KDM6A: variants seen among roughly 807,000 people sequenced by gnomAD.
The protein encoded by KDM6A is lysine demethylase 6A.
Under a neutral mutation model 117.6 loss-of-function variants are expected in KDM6A, and 11 were observed. The ratio of observed to expected loss-of-function variants is 0.09; its 90% CI spans 0.06 to 0.15. KDM6A has a LOEUF of 0.15. KDM6A is among the 10% of genes least tolerant of loss of function. The pLI, the probability that KDM6A is intolerant of heterozygous loss-of-function variation, is 1.00. For synonymous variants in KDM6A, 384 were observed against 396.1 expected (o/e 0.97, Z 0.36); for missense variants, 799 against 1,077.3 (o/e 0.74, Z 3.62).
intron 2 of KDM6A, among the ~76,000 whole-genome samples, chrX:44,929,777 A>G (rs1004309650): frequency 9.9e-5 from 11 of 111,502 alleles, no homozygotes; most frequent in Non-Finnish European, 1.7e-4. Context: ...GAGAGTTCCA[A>G]TTCTTCTACA....
intron 28 of KDM6A, 41 bp from the exon 29 acceptor site, chrX:45,110,038 C>T (rs2148303916): frequency 8.9e-7 from 1 of 1,124,578 alleles, no homozygotes; most frequent in Non-Finnish European, 1.2e-6. Flanking sequence ...CAGTAAATAC[C>T]ACTATCTCTA....
chrX:44,978,093 C>T (rs1266499326), intron 4 of KDM6A, among the ~76,000 whole-genome samples: 2 of 111,867 alleles, frequency 1.8e-5, no homozygotes, highest in East Asian at 5.6e-4. Flanking sequence ...TCTACATTGC[C>T]CTTGTATTTT....
intron 2 of KDM6A, among the ~76,000 whole-genome samples, chrX:44,881,276 C>CA (rs1273471428): frequency 8.9e-6 from 1 of 111,865 alleles, no homozygotes; most frequent in Non-Finnish European, 1.9e-5. Flanking sequence ...ACTAAAAATA[C>CA]AAAAATTATC....
At chrX:44,887,618 C>G (rs1414082182) in intron 2 of KDM6A, among the ~76,000 whole-genome samples, 1 of 111,196 alleles carries the variant, frequency 9.0e-6, no homozygotes, top group Non-Finnish European at 1.9e-5. Flanking sequence ...TGGATTGATC[C>G]TGGAGAACCT....
At chrX:44,972,586 A>G (rs146342817) in intron 3 of KDM6A, among the ~76,000 whole-genome samples, 1,130 of 111,484 alleles carry the variant, frequency 0.01, 14 homozygotes, top group African/African-American at 0.035. Flanking sequence ...TGGTTCCTCA[A>G]TAGTTTACAA....
intron 10 of KDM6A, among the ~76,000 whole-genome samples, 166 bp from the exon 11 acceptor site, chrX:45,058,837 ATAT>A (rs1263302367): frequency 5.4e-5 from 6 of 111,492 alleles, no homozygotes; most frequent in African/African-American, 2.0e-4. Context: ...GCAAATTATA[ATAT>A]TCATTATAGT....
chrX:45,008,879 TC>T (rs2147569458), intron 4 of KDM6A, among the ~76,000 whole-genome samples: 1 of 112,171 alleles, frequency 8.9e-6, no homozygotes, highest in Non-Finnish European at 1.9e-5. Context: ...TAATATAATT[TC>T]CTCATTCGGA....
rs539573033 is a variant in KDM6A at position 45,048,340 on chromosome X, A to T, written c.655-3369A>T. Among the ~76,000 whole-genome samples the T allele has an allele frequency of 2.3e-4, 26 of 110,760 alleles. No homozygotes were observed. In the South Asian group the frequency reaches 4.2e-3, roughly 18 times the overall value. On this transcript the variant is annotated intron_variant, in intron 8 of 29. Transcript: ENST00000611820. ...GGAGATTGACTATATTTTTCTGAAG[A>T]TTGATATATTTTTGCTTTATTAGCC...
intron 4 of KDM6A, among the ~76,000 whole-genome samples, chrX:44,978,631 AT>A (rs1460740654): frequency 8.9e-6 from 1 of 111,998 alleles, no homozygotes; most frequent in African/African-American, 3.2e-5. Flanking sequence ...TATTTTAAGC[AT>A]TTTTTGAGAT....
At chrX:45,031,561 C>T (rs1272255436) in intron 6 of KDM6A, among the ~76,000 whole-genome samples, 1 of 111,637 alleles carries the variant, frequency 9.0e-6, no homozygotes, top group East Asian at 2.8e-4. Context: ...AGGTTGTTGC[C>T]TACAACCCAC....
intron 2 of KDM6A, among the ~76,000 whole-genome samples, chrX:44,912,327 G>C (rs2035257720): frequency 1.8e-5 from 2 of 110,859 alleles, no homozygotes; most frequent in South Asian, 7.6e-4. Flanking sequence ...GACCTCAGGT[G>C]ATCTGCCCAC....
At chrX:44,998,419 T>G (rs149664391) in intron 4 of KDM6A, among the ~76,000 whole-genome samples, 5,436 of 111,727 alleles carry the variant, frequency 0.049, 335 homozygotes, top group African/African-American at 0.17. Flanking sequence ...CATTAGACTT[T>G]CTTGTTCAGT....
At chrX:44,945,203 C>T (rs2037561787) in intron 2 of KDM6A, among the ~76,000 whole-genome samples, 1 of 111,360 alleles carries the variant, frequency 9.0e-6, no homozygotes, top group African/African-American at 3.3e-5. Flanking sequence ...CATTGTATTT[C>T]AGCTTGTATT....
At chrX:44,934,214 T>C (rs934353282) in intron 2 of KDM6A, among the ~76,000 whole-genome samples, 1 of 112,021 alleles carries the variant, frequency 8.9e-6, no homozygotes, top group South Asian at 3.7e-4. Flanking sequence ...GTTCCCTCTT[T>C]GCTTTATATT....
intron 6 of KDM6A, among the ~76,000 whole-genome samples, chrX:45,023,024 C>T (rs1205643461): frequency 8.9e-6 from 1 of 112,199 alleles, no homozygotes; most frequent in Non-Finnish European, 1.9e-5. Context: ...CTGTTGATCT[C>T]TTCAAAAATA....
At chrX:44,916,198 A>G (rs923287102) in intron 2 of KDM6A, among the ~76,000 whole-genome samples, 4 of 110,999 alleles carry the variant, frequency 3.6e-5, no homozygotes, top group Middle Eastern at 4.2e-3. Flanking sequence ...TCCTCTGTGA[A>G]TAAGGGGGAC....
At chrX:44,986,887 G>A (rs1010232386) in intron 4 of KDM6A, among the ~76,000 whole-genome samples, 1 of 111,883 alleles carries the variant, frequency 8.9e-6, no homozygotes, top group African/African-American at 3.3e-5. Context: ...TGTATATTCT[G>A]TTGATTTGGG....
intron 4 of KDM6A, among the ~76,000 whole-genome samples, chrX:44,983,137 G>A (rs1219899320): frequency 9.0e-6 from 1 of 111,565 alleles, no homozygotes; most frequent in Non-Finnish European, 1.9e-5. Flanking sequence ...TAGATTCTTT[G>A]GAAATTTTAC....
At chrX:45,069,254 AATG>A (rs762927387) in intron 17 of KDM6A, among the ~76,000 whole-genome samples, 1 of 112,040 alleles carries the variant, frequency 8.9e-6, no homozygotes, top group East Asian at 2.8e-4. Context: ...TTTAATTATT[AATG>A]ATGATATATG....
Sources: allele counts gnomAD v4.1 joint callset (sites outside exome capture counted in the v4.1 genomes callset), GRCh38; gene constraint gnomAD v4.1.1; transcripts MANE v1.5; gene names NCBI Gene and HGNC (gene_info 2026-07-23, HGNC 2026-07-21).